Variants in PIP4K2A observed in about 807,000 individuals in gnomAD.
The protein encoded by PIP4K2A is phosphatidylinositol-5-phosphate 4-kinase type 2 alpha, also known as phosphatidylinositol 5-phosphate 4-kinase type-2 alpha.
PIP4K2A carries 14 observed loss-of-function variants against 42.9 expected under a neutral mutation model. That is an observed-to-expected ratio of 0.33 (90% CI 0.22 to 0.51). The LOEUF (loss-of-function observed/expected upper bound fraction) is 0.51, where lower values mean the gene tolerates loss of function less well. Among genes scored for constraint, PIP4K2A ranks in the 20% least tolerant of loss-of-function variants. The pLI, the probability that PIP4K2A is intolerant of heterozygous loss-of-function variation, is 0.97. For missense variants in PIP4K2A, 434 were observed against 519.8 expected, an observed-to-expected ratio of 0.83 and a Z score of 1.61; for synonymous variants, 192 against 192.2, an observed-to-expected ratio of 1.00 and a Z score of 0.01.
chr10:22,545,393 G>T (rs1189189215), intron 7 of PIP4K2A, among the ~76,000 whole-genome samples: 2 of 152,162 alleles, frequency 1.3e-5, no homozygotes, highest in African/African-American at 4.8e-5. Context: ...CTTGCCAAAG[G>T]GCAGAGAGGG....
chr10:22,660,433 T>C (rs1839183491), intron 1 of PIP4K2A, among the ~76,000 whole-genome samples: 1 of 152,132 alleles, frequency 6.6e-6, no homozygotes, highest in Non-Finnish European at 1.5e-5. Context: ...ATCACGCCAC[T>C]GCACTCCAGC....
intron 1 of PIP4K2A, among the ~76,000 whole-genome samples, chr10:22,703,573 G>A (rs539509096): frequency 2.0e-4 from 31 of 152,348 alleles, no homozygotes; most frequent in Admixed American, 1.9e-3. Flanking sequence ...TGAGGGCAAG[G>A]AGGAAAGTGG....
chr10:22,575,461 T>C (rs777562737), intron 4 of PIP4K2A, among the ~76,000 whole-genome samples: 7 of 152,212 alleles, frequency 4.6e-5, no homozygotes, highest in African/African-American at 1.7e-4. Flanking sequence ...CAGAAAGCTA[T>C]GTCTCACAGC....
chr10:22,674,334 T>C (rs936512538), intron 1 of PIP4K2A, among the ~76,000 whole-genome samples: 1 of 148,466 alleles, frequency 6.7e-6, no homozygotes, highest in African/African-American at 2.5e-5. Context: ...AAACACTCTT[T>C]CCGTATATAC....
intron 4 of PIP4K2A, among the ~76,000 whole-genome samples, chr10:22,590,694 C>A (rs1309923600): frequency 6.6e-6 from 1 of 151,988 alleles, no homozygotes; most frequent in Non-Finnish European, 1.5e-5. Context: ...CAAAACTCCA[C>A]CTCTATAAAA....
At chr10:22,553,501 CTA>C (rs767213572) in intron 6 of PIP4K2A, among the ~76,000 whole-genome samples, 131 of 152,358 alleles carry the variant, frequency 8.6e-4, no homozygotes, top group Admixed American at 2.4e-3. Context: ...CATCTATCAT[CTA>C]TCTTCAGTCT....
At chr10:22,686,658 C>T (rs984385187) in intron 1 of PIP4K2A, among the ~76,000 whole-genome samples, 1 of 151,986 alleles carries the variant, frequency 6.6e-6, no homozygotes, top group Non-Finnish European at 1.5e-5. Flanking sequence ...TTAGTAGAAA[C>T]GAGGTCTTGC....
At chr10:22,653,303 T>C (rs940531097) in intron 1 of PIP4K2A, among the ~76,000 whole-genome samples, 1 of 152,178 alleles carries the variant, frequency 6.6e-6, no homozygotes, top group East Asian at 1.9e-4. Context: ...AGGCAGTGCA[T>C]GACAGCCAAG....
intron 8 of PIP4K2A, among the ~76,000 whole-genome samples, chr10:22,541,389 T>C (rs1176005792): frequency 6.6e-6 from 1 of 152,186 alleles, no homozygotes; most frequent in Non-Finnish European, 1.5e-5. Flanking sequence ...GCTTTTGACT[T>C]AGATAAAAAA....
chr10:22,706,271 C>T (rs1482832666), intron 1 of PIP4K2A, among the ~76,000 whole-genome samples: 1 of 152,142 alleles, frequency 6.6e-6, no homozygotes, highest in Non-Finnish European at 1.5e-5. Context: ...AAGGATTCTC[C>T]AAGTCCCCCA....
At chr10:22,569,546 C>G (rs1013727200) in intron 5 of PIP4K2A, among the ~76,000 whole-genome samples, 1 of 152,160 alleles carries the variant, frequency 6.6e-6, no homozygotes, top group African/African-American at 2.4e-5. Flanking sequence ...TTCCCAAATA[C>G]TTTTTAAAAA....
chr10:22,560,876 C>G (rs1836674921), intron 6 of PIP4K2A, among the ~76,000 whole-genome samples: 1 of 152,228 alleles, frequency 6.6e-6, no homozygotes, highest in Non-Finnish European at 1.5e-5. Flanking sequence ...TTTAAAGAGT[C>G]AGGTCAAATC....
intron 1 of PIP4K2A, among the ~76,000 whole-genome samples, chr10:22,654,672 A>G (rs943449409): frequency 6.6e-6 from 1 of 152,158 alleles, no homozygotes; most frequent in African/African-American, 2.4e-5. Flanking sequence ...GCTGCTGGTC[A>G]TGGTGGGGAA....
chr10:22,627,588 TAATAAAAAA>T (rs1220805687), intron 1 of PIP4K2A, among the ~76,000 whole-genome samples: 488 of 38,790 alleles, frequency 0.013, 17 homozygotes, highest in Middle Eastern at 0.04. Context: ...AGCTAATATG[TAATAAAAAA>T]AAAAAAAAAA....
At chr10:22,701,409 A>C (rs1833713306) in intron 1 of PIP4K2A, among the ~76,000 whole-genome samples, 1 of 152,190 alleles carries the variant, frequency 6.6e-6, no homozygotes, top group African/African-American at 2.4e-5. Context: ...CCACTTAGAC[A>C]ACACAGCTTC....
chr10:22,584,200 A>T (rs567743170), intron 4 of PIP4K2A, among the ~76,000 whole-genome samples: 1 of 152,340 alleles, frequency 6.6e-6, no homozygotes, highest in African/African-American at 2.4e-5. Flanking sequence ...CAAAACGTGT[A>T]AAGAAACAAA....
intron 1 of PIP4K2A, among the ~76,000 whole-genome samples, chr10:22,680,774 G>A (rs1193007850): frequency 1.3e-5 from 2 of 152,220 alleles, no homozygotes; most frequent in Admixed American, 6.5e-5. Flanking sequence ...TCTTGGTGAT[G>A]TTGTTCAAAG....
At position 22,541,927 on chromosome 10, in the gene PIP4K2A, C is replaced by T. The variant is rs776260758; in HGVS notation, c.913G>A (p.Asp305Asn). 36 of 1,614,068 alleles carry T rather than the reference C, an allele frequency of 2.2e-5. No individual in the cohort carries two copies. The highest frequency in any genetic ancestry group is 2.5e-5 in the Non-Finnish European group (30 of 1,179,982). ...ENDGEEEGES[D>N]GTHPVGTPPD... ...GGGGTTCCCACCGGGTGGGTGCCAT[C>T]GCTCTCGCCCTCCTCCTCCCCATCG... Residue 305 changes from aspartate (D) to asparagine (N), a missense_variant, in exon 8 of 10, where the codon GAT (aspartate) becomes AAT (asparagine). Coordinates refer to ENST00000376573, the MANE Select transcript of PIP4K2A (RefSeq NM_005028.5).
At chr10:22,563,332 C>T (rs1041694205) in intron 6 of PIP4K2A, among the ~76,000 whole-genome samples, 5 of 152,096 alleles carry the variant, frequency 3.3e-5, no homozygotes, top group Non-Finnish European at 7.4e-5. Context: ...GTGTAAGACA[C>T]GTGATAAAGA....
Sources: allele counts gnomAD v4.1 joint callset (sites outside exome capture counted in the v4.1 genomes callset), GRCh38; gene constraint gnomAD v4.1.1; transcripts MANE v1.5; gene names NCBI Gene and HGNC (gene_info 2026-07-23, HGNC 2026-07-21).